SDF4: variants seen among roughly 807,000 people sequenced by gnomAD.
The protein encoded by SDF4 is stromal cell derived factor 4.
SDF4 carries 22 observed loss-of-function variants against 34.2 expected under a neutral mutation model. The ratio of observed to expected loss-of-function variants is 0.64; its 90% confidence interval spans 0.46 to 0.92. The LOEUF (loss-of-function observed/expected upper bound fraction) is 0.92. SDF4 is among the 40% of genes least tolerant of loss of function. SDF4 has a pLI of 0.00. For missense variants in SDF4, 447 were observed against 499.9 expected (o/e 0.89, Z 1.01); for synonymous variants, 236 against 203.1 (o/e 1.16, Z -1.38).
Position 1,218,343 on chromosome 1 carries a change from G to A in SDF4, c.891+115C>T. ...AAACGCCCCAGTGACCAGCCCAGATGGAGTCTCAGGCCAGACACCAGCACA... is the reference window on the plus strand; with the variant it reads ...AAACGCCCCAGTGACCAGCCCAGATAGAGTCTCAGGCCAGACACCAGCACA... On this transcript the variant is annotated intron_variant, in intron 6 of 6. Coordinates refer to ENST00000360001, the MANE Select transcript of SDF4 (RefSeq NM_016176.6). This position sits in a 1 kb window ranked among gnomAD's most constrained non-coding sequence, Gnocchi z 7.9. 1 of 1,146,274 alleles carries A rather than the reference G, an allele frequency of 8.7e-7. No individual in the cohort carries two copies. The highest frequency in any genetic ancestry group is 1.5e-5 in the South Asian group (1 of 66,392). 71.0% of individuals were successfully genotyped at this position (1,146,274 alleles called of 1,614,324 possible).
chr1:1,219,151 A>C, intron 4 of SDF4: 5 of 1,412,444 alleles, frequency 3.5e-6, no homozygotes, highest in Non-Finnish European at 3.7e-6. Flanking sequence ...CTGATCCCCA[A>C]AGGCATAGCT....
rs1354815930 is a variant in SDF4, at chr1:1,230,287, C to T, written c.-174-1341G>A. Among the ~76,000 whole-genome samples the T allele has an allele frequency of 3.3e-5, 5 of 152,310 alleles. No homozygotes were observed. In the East Asian group the frequency reaches 9.6e-4, roughly 29 times the overall value. On this transcript the variant is annotated intron_variant, in intron 1 of 6. Coordinates refer to ENST00000360001, the MANE Select transcript of SDF4 (RefSeq NM_016176.6). The stretch of plus-strand genomic sequence containing the variant: ...CTGCCTGCACACAGTAGGCGCTCAA[C>T]GAATGCTACCCTGGGTAATATTAAA...
chr1:1,226,796 C>A (rs1638323981), intron 2 of SDF4, among the ~76,000 whole-genome samples: 1 of 152,188 alleles, frequency 6.6e-6, no homozygotes, highest in Non-Finnish European at 1.5e-5. Context: ...GGAGACGCAC[C>A]GAGCAGAAGC....
At chr1:1,224,020 C>T (rs777306547) in intron 2 of SDF4, 52 bp from the exon 3 acceptor site, 20 of 1,599,356 alleles carry the variant, frequency 1.3e-5, no homozygotes, top group Admixed American at 8.4e-5. Flanking sequence ...CCCAGGACCC[C>T]GAACAGCCAG....
Position 1,218,684 on chromosome 1 carries a change from A to T in SDF4, c.716-51T>A, listed in dbSNP as rs1180337819. The T allele has an allele frequency of 6.2e-7, 1 of 1,611,302 alleles. No individual in the cohort carries two copies. The highest frequency in any genetic ancestry group is 1.7e-5 in the Admixed American group (1 of 59,916). On this transcript the variant is annotated intron_variant, in intron 5 of 6. Transcript: ENST00000360001. This position sits in a 1 kb window ranked among gnomAD's most constrained non-coding sequence, Gnocchi z 7.9. ...ACACCCAGGCTGGGGCTCCCGCAGG[A>T]CCTGCCCCGACCTCCCGACGATGCC...
intron 2 of SDF4, among the ~76,000 whole-genome samples, chr1:1,226,860 G>T (rs1638327259): frequency 6.6e-6 from 1 of 152,240 alleles, no homozygotes; most frequent in East Asian, 1.9e-4. Flanking sequence ...GCTGAGCAGG[G>T]ACGGGGACCC....
chr1:1,222,150 G>A (rs1040559547), intron 4 of SDF4, among the ~76,000 whole-genome samples: 4 of 152,222 alleles, frequency 2.6e-5, no homozygotes, highest in South Asian at 2.1e-4. Context: ...GCCGGGCAGC[G>A]ACGGAGCAGG....
At chr1:1,223,991 G>A (rs1035883257) in intron 2 of SDF4, 23 bp from the exon 3 acceptor site, 4 of 1,607,312 alleles carry the variant, frequency 2.5e-6, no homozygotes, top group Non-Finnish European at 1.7e-6. Context: ...AAATGGGCAG[G>A]TGGCCGTCAG....
chr1:1,226,887 C>T (rs1484399822), intron 2 of SDF4, among the ~76,000 whole-genome samples: 8 of 152,214 alleles, frequency 5.3e-5, no homozygotes, highest in South Asian at 2.1e-4. Flanking sequence ...TGTGATGCCG[C>T]GAGCCAGGCC....
intron 1 of SDF4, among the ~76,000 whole-genome samples, chr1:1,229,190 GTTTT>G (rs1205566745): frequency 1.3e-5 from 2 of 152,084 alleles, no homozygotes; most frequent in Non-Finnish European, 1.5e-5. Flanking sequence ...CACACGTGGT[GTTTT>G]TTTCTTTATT....
intron 1 of SDF4, among the ~76,000 whole-genome samples, chr1:1,230,019 C>T (rs1192348380): frequency 6.6e-6 from 1 of 152,264 alleles, no homozygotes; most frequent in East Asian, 1.9e-4. Context: ...GAGGCGTGGC[C>T]AGTCCTGGTG....
chr1:1,219,026 C>G (rs774377565), intron 4 of SDF4, 99 bp from the exon 5 acceptor site: 1 of 1,609,160 alleles, frequency 6.2e-7, no homozygotes, highest in Non-Finnish European at 8.5e-7. Context: ...GGGACACAGC[C>G]ACCCGCGAGA....
Position 1,218,854 on chromosome 1 carries a change from C to G in SDF4, c.630G>C (p.Thr210=). ...GGAGGAACGACAGGAACTCCTCCTC[C>G]GTCAGCAGCAGGTCTGCAGGGGGGC... ...ADSPPADLLL[T]EEEFLSFLHP... is the part of the protein sequence containing the mutation. Residue 210 remains threonine (T), a synonymous_variant, in exon 5 of 7, where the codon ACG becomes ACC. Coordinates refer to ENST00000360001, the MANE Select transcript of SDF4 (RefSeq NM_016176.6). This position sits in a 1 kb window ranked among gnomAD's most constrained non-coding sequence, Gnocchi z 7.9. The G allele has an allele frequency of 6.3e-7, 1 of 1,598,180 alleles. No homozygotes were observed. The highest frequency in any genetic ancestry group is 1.1e-5 in the South Asian group (1 of 89,890).
At chr1:1,224,922 C>T (rs907837590) in intron 2 of SDF4, among the ~76,000 whole-genome samples, 6 of 152,136 alleles carry the variant, frequency 3.9e-5, no homozygotes, top group African/African-American at 1.4e-4. Context: ...CAAAACAAGA[C>T]AAAACAAAAT....
chr1:1,223,336 T>A lies in SDF4; in HGVS notation c.464A>T (p.Tyr155Phe). The A allele has an allele frequency of 6.2e-7, 1 of 1,613,154 alleles. No homozygotes were observed. Among genetic ancestry groups the A allele is most frequent in the South Asian group, 1.1e-5 (1 of 90,964 alleles). The part of the protein sequence containing the change: ...DGDGHVSWDE[Y>F]KVKFLASKGH... ...TTTACTCGCCAAAAACTTCACCTTA[T>A]ACTCGTCCCAAGACACGTGACCTGG... Residue 155 changes from tyrosine to phenylalanine, a missense_variant, in exon 4 of 7, where the codon TAT becomes TTT. Physicochemically the swap from Tyr to Phe is conservative, Grantham distance 22. Coordinates refer to ENST00000360001, the MANE Select transcript of SDF4 (RefSeq NM_016176.6).
At chr1:1,228,023 G>A (rs953955404) in intron 2 of SDF4, among the ~76,000 whole-genome samples, 6 of 152,218 alleles carry the variant, frequency 3.9e-5, no homozygotes, top group Admixed American at 1.3e-4. Context: ...GGTAGAGGGC[G>A]TGTCAGGAGG....
intron 2 of SDF4, among the ~76,000 whole-genome samples, chr1:1,227,600 G>A (rs1638352053): frequency 6.6e-6 from 1 of 152,196 alleles, no homozygotes; most frequent in African/African-American, 2.4e-5. Context: ...TGGCTGGCCT[G>A]GGGGACTCAC....
chr1:1,223,026 C>T, intron 4 of SDF4: 1 of 581,072 alleles, frequency 1.7e-6, no homozygotes, highest in Non-Finnish European at 3.1e-6. Flanking sequence ...CACATGTACT[C>T]ACGAGCACAC....
chr1:1,229,026 T>G, intron 1 of SDF4, 80 bp from the exon 2 acceptor site: 2 of 554,316 alleles, frequency 3.6e-6, no homozygotes, highest in African/African-American at 1.9e-5. Flanking sequence ...ACATGAAACA[T>G]ATCCTCGATT....
Sources: allele counts gnomAD v4.1 joint callset (sites outside exome capture counted in the v4.1 genomes callset), GRCh38; gene constraint gnomAD v4.1.1; non-coding constraint Gnocchi (gnomAD v3.1); transcripts MANE v1.5; gene names NCBI Gene and HGNC (gene_info 2026-07-23, HGNC 2026-07-21).